Variants in GFRAL observed in about 807,000 individuals in gnomAD.
The protein encoded by GFRAL is GDNF family receptor alpha like, also known as GDNF family receptor alpha-like.
A neutral mutation model predicts 45.4 loss-of-function variants in GFRAL; 36 were observed. The ratio of observed to expected loss-of-function variants is 0.79; its 90% CI spans 0.61 to 1.05. The LOEUF is 1.05. GFRAL is among the 50% of genes least tolerant of loss of function. The pLI is 0.00. For synonymous variants in GFRAL, 166 were observed against 154.1 expected (o/e 1.08, Z -0.57); for missense variants, 507 against 467.5 (o/e 1.08, Z -0.78).
At chr6:55,363,541 A>C in intron 6 of GFRAL, among the ~76,000 whole-genome samples, 1 of 148,434 alleles carries the variant, frequency 6.7e-6, no homozygotes, top group Non-Finnish European at 1.5e-5. Flanking sequence ...AACCCACTAA[A>C]TCGTCATCTA....
At chr6:55,370,280 A>G (rs1768433939) in intron 6 of GFRAL, among the ~76,000 whole-genome samples, 1 of 152,020 alleles carries the variant, frequency 6.6e-6, no homozygotes, top group Non-Finnish European at 1.5e-5. Context: ...CAATACAGAA[A>G]TTAGTGTTGA....
intron 6 of GFRAL, among the ~76,000 whole-genome samples, chr6:55,360,059 AG>A (rs1768253103): frequency 6.6e-6 from 1 of 152,048 alleles, no homozygotes; most frequent in South Asian, 2.1e-4. Flanking sequence ...TGTTTAATTT[AG>A]GGACAAGAAA....
At chr6:55,397,389 G>A (rs1488205960) in intron 6 of GFRAL, among the ~76,000 whole-genome samples, 2 of 147,268 alleles carry the variant, frequency 1.4e-5, no homozygotes, top group African/African-American at 5.1e-5. Context: ...GCAGTGGCGG[G>A]CGCCTGTAGT....
chr6:55,344,988 T>C lies in GFRAL; in HGVS notation c.317-5104T>C, dbSNP rs185164988. 1.5e-3 allele frequency among the ~76,000 whole-genome samples: 235 copies of C among 152,332 alleles called. 1 individual carries two copies. The highest frequency in any genetic ancestry group is 3.4e-3 in the Middle Eastern group (1 of 294). On this transcript the variant is annotated intron_variant, in intron 3 of 8. Transcript: ENST00000340465. The stretch of plus-strand genomic sequence containing the variant: ...ACTTAGGAATCCAACTTACAAGGGA[T>C]GTGAAGGACCTCTTCAAGGAGGACT...
chr6:55,331,569 AGAG>A, intron 1 of GFRAL, 143 bp from the exon 2 acceptor site: 1 of 549,918 alleles, frequency 1.8e-6, no homozygotes, highest in Non-Finnish European at 3.0e-6. Context: ...CTACAGCTAG[AGAG>A]GAGGTTAAGG....
rs1341980535 is a variant in GFRAL at position 55,359,057 on chromosome 6, T to C, written c.871T>C (p.Cys291Arg). 4 of 1,612,836 alleles carry C rather than the reference T, an allele frequency of 2.5e-6. No homozygotes were observed. The highest frequency in any genetic ancestry group is 1.3e-5 in the African/African-American group (1 of 74,824). Residue 291 changes from cysteine (C) to arginine (R), a missense_variant, in exon 6 of 9, where the codon TGT becomes CGT. Transcript: ENST00000340465. The stretch of plus-strand genomic sequence containing the variant: ...CCTTGGGACGGTCCTTCAAGTGCAA[T>C]GTACCTGTAGGACCATTACACAAAG... ...DILGTVLQVQCTCRTITQSEE... is the reference protein window; with the variant it reads ...DILGTVLQVQRTCRTITQSEE...
chr6:55,350,131 C>A lies in GFRAL; in HGVS notation c.356C>A (p.Thr119Lys). Residue 119 changes from threonine (T) to lysine (K), a missense_variant, in exon 4 of 9, where the codon ACA (threonine) becomes AAA (lysine). Physicochemically the swap from Thr to Lys is moderately conservative, Grantham distance 78. Transcript: ENST00000340465. ...KEDKFKWNLT[T>K]RSHHGFKGMW... ...GATAAATTCAAATGGAATCTAACTA[C>A]ACGTTCCCATCATGGTAATGTTTTT... 1 of 1,536,304 alleles carries A rather than the reference C, an allele frequency of 6.5e-7. No homozygotes were observed. Among genetic ancestry groups the A allele is most frequent in the Non-Finnish European group, 9.0e-7 (1 of 1,110,518 alleles).
intron 4 of GFRAL, 120 bp from the exon 5 acceptor site, chr6:55,351,133 A>G (rs1768110354): frequency 1.4e-6 from 1 of 724,344 alleles, no homozygotes. Context: ...ATGTTTGCCA[A>G]AAATAGGACA....
chr6:55,375,507 C>A (rs1385957655), intron 6 of GFRAL, among the ~76,000 whole-genome samples: 1 of 152,048 alleles, frequency 6.6e-6, no homozygotes, highest in African/African-American at 2.4e-5. Flanking sequence ...TGCTTATTAG[C>A]TTAAGAAGCC....
chr6:55,380,425 C>T (rs748291410), intron 6 of GFRAL, among the ~76,000 whole-genome samples: 1 of 151,864 alleles, frequency 6.6e-6, no homozygotes, highest in Non-Finnish European at 1.5e-5. Context: ...GAAATATATA[C>T]AGAGTGTGTT....
chr6:55,356,377 G>A (rs1198202047), intron 5 of GFRAL, among the ~76,000 whole-genome samples: 1 of 151,666 alleles, frequency 6.6e-6, no homozygotes, highest in Non-Finnish European at 1.5e-5. Flanking sequence ...TTATAGCTTC[G>A]ATCTCATTAC....
intron 6 of GFRAL, among the ~76,000 whole-genome samples, chr6:55,382,050 T>C (rs1421274108): frequency 6.6e-6 from 1 of 151,854 alleles, no homozygotes; most frequent in Non-Finnish European, 1.5e-5. Flanking sequence ...TCCTTCAAAT[T>C]CAGTCCAGGT....
At chr6:55,398,829 CTT>C (rs1357833444) in intron 6 of GFRAL, among the ~76,000 whole-genome samples, 2 of 152,132 alleles carry the variant, frequency 1.3e-5, no homozygotes, top group Non-Finnish European at 2.9e-5. Flanking sequence ...AAAATAATCA[CTT>C]TTGTAAAGAA....
intron 6 of GFRAL, among the ~76,000 whole-genome samples, chr6:55,363,588 T>G (rs34763332): frequency 0.57 from 58,795 of 103,486 alleles, 15,695 homozygotes; most frequent in South Asian, 0.68. Flanking sequence ...CCCTCCCCCC[T>G]CCCCCCACCC....
chr6:55,349,095 C>A (rs1768082624), intron 3 of GFRAL, among the ~76,000 whole-genome samples: 1 of 151,850 alleles, frequency 6.6e-6, no homozygotes, highest in South Asian at 2.1e-4. Flanking sequence ...AAGAGTGGTT[C>A]TCAAGCTGAG....
intron 6 of GFRAL, among the ~76,000 whole-genome samples, chr6:55,364,651 A>C (rs963903419): frequency 6.6e-6 from 1 of 150,814 alleles, no homozygotes; most frequent in African/African-American, 2.5e-5. Context: ...TCAGCTTTCT[A>C]CATATGGCTA....
intron 8 of GFRAL, among the ~76,000 whole-genome samples, chr6:55,400,129 A>C (rs1481943558): frequency 7.1e-6 from 1 of 141,480 alleles, no homozygotes; most frequent in East Asian, 2.2e-4. Context: ...ACTATACATA[A>C]AATAGTGTAG....
chr6:55,401,896 G>T lies in GFRAL; in HGVS notation c.*43G>T. The T allele has an allele frequency of 9.4e-7, 1 of 1,064,166 alleles. No individual in the cohort carries two copies. The highest frequency in any genetic ancestry group is 1.5e-6 in the Non-Finnish European group (1 of 686,552). The allele number at this position is 1,064,166 out of a possible 1,614,324, so 65.9% of individuals were successfully genotyped here. ...ACCTATAACAATCACTCTTTTCTCT[G>T]CTTTTCTTCTTTCCTCTTTTCTTCT... On this transcript the variant is annotated 3_prime_UTR_variant, in exon 9 of 9. Transcript: ENST00000340465.
In GFRAL at chr6:55,377,175, A is replaced by G. The variant is rs576321696; in HGVS notation, c.952+18037A>G. ...AAATAATTTGCCAATTCACAATTTA[A>G]AAACGGTCTCCATCTTTCCAGCCCC... On this transcript the variant is annotated intron_variant, in intron 6 of 8. Coordinates refer to ENST00000340465, the MANE Select transcript of GFRAL (RefSeq NM_207410.2). 5.2e-4 allele frequency among the ~76,000 whole-genome samples: 79 copies of G among 152,092 alleles called. 2 individuals carry two copies. The South Asian group carries it at 0.016, about 30-fold the overall frequency.
Sources: gnomAD v4.1 joint callset for allele counts (sites outside exome capture counted in the v4.1 genomes callset) on GRCh38, gnomAD v4.1.1 for gene constraint, MANE v1.5 for transcripts, NCBI Gene and HGNC (gene_info 2026-07-23, HGNC 2026-07-21) for gene names.